The following HSPA9 variants were observed in gnomAD, a reference collection of about 807,000 sequenced individuals.
HSPA9 encodes stress-70 protein, mitochondrial.
In HSPA9, 28 loss-of-function variants were observed where a neutral mutation model predicts 81.5. The observed-to-expected ratio is 0.34, with a 90% CI of 0.25 to 0.47. The LOEUF (loss-of-function observed/expected upper bound fraction) is 0.47. Among genes scored for constraint, HSPA9 ranks in the 20% least tolerant of loss-of-function variants. The pLI is 1.00. For synonymous variants in HSPA9, 293 were observed against 290.4 expected, an observed-to-expected ratio of 1.01 and a Z score of -0.09; for missense variants, 678 against 838.0, an observed-to-expected ratio of 0.81 and a Z score of 2.36.
Position 138,561,759 on chromosome 5 carries a change from C to A in HSPA9, c.1003G>T (p.Asp335Tyr). The A allele has an allele frequency of 6.2e-7, 1 of 1,614,100 alleles. No individual in the cohort carries two copies. The highest frequency in any genetic ancestry group is 8.5e-7 in the Non-Finnish European group (1 of 1,179,978). ...TTCAAATGCTTGGGTCCAGAAGAAT[C>A]CATTGTAAGATAGGGCAAATTGATG... ...TDINLPYLTM[D>Y]SSGPKHLNMK... Residue 335 changes from aspartate to tyrosine, a missense_variant, in exon 10 of 17, where the codon GAT becomes TAT. Transcript: ENST00000297185.
chr5:138,570,079 A>G lies in HSPA9; in HGVS notation c.410+881T>C, dbSNP rs1052001661. On this transcript the variant is annotated intron_variant, in intron 4 of 16. Coordinates refer to ENST00000297185, the MANE Select transcript of HSPA9 (RefSeq NM_004134.7). ...TTTTTGCAGAGGTGGCTTTTCCCCA[A>G]GTTGTCCAGGCTGGTCTCGAACTCC... Among the ~76,000 whole-genome samples the G allele has an allele frequency of 2.0e-5, 3 of 151,944 alleles. No homozygotes were observed. In the East Asian group the frequency reaches 5.9e-4, roughly 30 times the overall value.
intron 11 of HSPA9, 95 bp from the exon 12 acceptor site, chr5:138,558,752 G>T: frequency 1.3e-6 from 1 of 796,380 alleles, no homozygotes. Context: ...TTCCAAGACT[G>T]GAAGACTCCT....
rs765826281 is a variant in HSPA9, at chr5:138,566,607, C to A, written c.972+19G>T. Reference sequence around the variant, plus strand: ...GCTGAAAATATCCATCAAGACTGCTCGAATTTTCCGTGTCTCACCTGCACA... The same window carrying A: ...GCTGAAAATATCCATCAAGACTGCTAGAATTTTCCGTGTCTCACCTGCACA... On this transcript the variant is annotated intron_variant, in intron 9 of 16. Coordinates refer to ENST00000297185, the MANE Select transcript of HSPA9 (RefSeq NM_004134.7). 66 of 1,560,394 alleles carry A rather than the reference C, an allele frequency of 4.2e-5. No individual in the cohort carries two copies. The highest frequency in any genetic ancestry group is 5.2e-5 in the Non-Finnish European group (59 of 1,131,854).
In HSPA9 at chr5:138,560,110, G is replaced by A; in HGVS notation, c.1183-19C>T. 1.9e-6 allele frequency: 3 copies of A among 1,594,256 alleles called. No homozygotes were observed. The highest frequency in any genetic ancestry group is 1.7e-6 in the Non-Finnish European group (2 of 1,163,210). On this transcript the variant is annotated intron_variant, in intron 10 of 16. Coordinates refer to ENST00000297185, the MANE Select transcript of HSPA9 (RefSeq NM_004134.7). ...GCTGAACCTGAACATCAAGGAAAAA[G>A]AACCTGTCGGCCCACACTTGGGAAC...
At chr5:138,567,755 T>C in intron 5 of HSPA9, 33 bp from the exon 6 acceptor site, 2 of 1,504,686 alleles carry the variant, frequency 1.3e-6, no homozygotes, top group Non-Finnish European at 1.8e-6. Flanking sequence ...CATGGAATTC[T>C]GTCAGAACAG....
rs757156840 is a variant in HSPA9, at chr5:138,556,863, G to A, written c.1732C>T (p.Arg578Ter). ...YAEEDRRKKE[R>*]VEAVNMAEGI... ...TCAGCCATATTAACTGCTTCAACTC[G>A]TTCCTTAGAGAAATTAGAAGTTTAA... Residue 578 changes from arginine to a stop codon, truncating the protein, a stop_gained, in exon 15 of 17, where the codon CGA becomes TGA. Transcript: ENST00000297185. LOFTEE classifies it high-confidence loss of function. 3.1e-6 allele frequency: 5 copies of A among 1,610,618 alleles called. No homozygotes were observed. The highest frequency in any genetic ancestry group is 1.7e-5 in the Admixed American group (1 of 60,004).
chr5:138,560,170 C>G, intron 10 of HSPA9, 79 bp from the exon 11 acceptor site: 2 of 948,842 alleles, frequency 2.1e-6, no homozygotes, highest in South Asian at 1.4e-5. Context: ...ACGTGTCCTA[C>G]GCTCCCAGCC....
At chr5:138,570,910 TG>T in intron 4 of HSPA9, 49 bp downstream of exon 4, 1 of 1,481,420 alleles carries the variant, frequency 6.8e-7, no homozygotes, top group Non-Finnish European at 9.4e-7. Flanking sequence ...CTCTTCTGTG[TG>T]GCCCTTGCAA....
At chr5:138,567,985 A>G (rs1023639556) in intron 5 of HSPA9, among the ~76,000 whole-genome samples, 2 of 148,630 alleles carry the variant, frequency 1.3e-5, no homozygotes, top group African/African-American at 5.0e-5. Flanking sequence ...GAGAGTTTTG[A>G]GACCAGCCTA....
chr5:138,566,791 GAAC>G (rs1010698286), intron 8 of HSPA9, 73 bp from the exon 9 acceptor site: 5 of 1,251,152 alleles, frequency 4.0e-6, no homozygotes, highest in Admixed American at 1.7e-5. Flanking sequence ...TAATAAGGTG[GAAC>G]AACACAAAAT....
chr5:138,571,500 G>A (rs1021342207), intron 3 of HSPA9, among the ~76,000 whole-genome samples: 2 of 152,108 alleles, frequency 1.3e-5, no homozygotes, highest in South Asian at 4.1e-4. Context: ...TGGTATGTTT[G>A]CAGCAATCAT....
intron 10 of HSPA9, chr5:138,560,926 T>TTGA (rs1750644552): frequency 2.7e-6 from 1 of 370,130 alleles, no homozygotes; most frequent in African/African-American, 2.3e-5. Flanking sequence ...TTTTTTTGCA[T>TTGA]ATTTCCTTAA....
rs765576794 is a variant in HSPA9, at chr5:138,567,454, C to A, written c.716+1G>T. ...GTGAGAAATTTACTGCACAAACTTA[C>A]ACTTTGTCTTCTGATTTGTCTAGAC... On this transcript the variant is annotated splice_donor_variant, in intron 7 of 16. Transcript: ENST00000297185. LOFTEE classifies it high-confidence loss of function. The A allele has an allele frequency of 6.2e-7, 1 of 1,605,502 alleles. No individual in the cohort carries two copies.
intron 10 of HSPA9, among the ~76,000 whole-genome samples, chr5:138,560,583 C>T (rs184216249): frequency 0.011 from 1,591 of 144,300 alleles, 10 homozygotes; most frequent in Non-Finnish European, 0.018. Flanking sequence ...TTTTTTGAGA[C>T]GGAGTCTCGC....
rs1188699325 is a variant in HSPA9, at chr5:138,575,330, G to A, written c.-12C>T. On this transcript the variant is annotated 5_prime_UTR_variant, in exon 1 of 17. Transcript: ENST00000297185. ...CTGGCACTTATCATGGCGGATAAAT[G>A]GAGGAGTACGAGGCAGCAAACAAGC... 1 of 1,607,692 alleles carries A rather than the reference G, an allele frequency of 6.2e-7. No homozygotes were observed. The highest frequency in any genetic ancestry group is 1.1e-5 in the South Asian group (1 of 90,626).
Position 138,574,089 on chromosome 5 carries a change from A to C in HSPA9, c.119T>G (p.Leu40Arg), listed in dbSNP as rs764184668. 3.6e-5 allele frequency: 58 copies of C among 1,613,756 alleles called. No homozygotes were observed. Among genetic ancestry groups the C allele is most frequent in the Non-Finnish European group, 4.3e-5 (51 of 1,179,776 alleles). The change falls in exon 2 of 17, where the codon CTT (leucine) becomes CGT (arginine). Residue 40 changes from leucine to arginine, a missense_variant. Transcript: ENST00000297185. ...WNGLSHEAFRLVSRRDYASEA... is the reference protein window; with the variant it reads ...WNGLSHEAFRRVSRRDYASEA... Reference sequence around the variant, plus strand: ...TTACGCATAATCCCGCCTTGAAACAAGTCTAAAAGCCTCATGACTAAGGCC... The same window carrying C: ...TTACGCATAATCCCGCCTTGAAACACGTCTAAAAGCCTCATGACTAAGGCC...
intron 2 of HSPA9, 37 bp from the exon 3 acceptor site, chr5:138,573,887 A>G: frequency 6.6e-7 from 1 of 1,513,880 alleles, no homozygotes; most frequent in African/African-American, 1.4e-5. Context: ...AGCTATTGTT[A>G]TCTTGATAGA....
rs199831172 is a variant in HSPA9, at chr5:138,567,009, T to C, written c.871A>G (p.Lys291Glu). The C allele has an allele frequency of 6.3e-7, 1 of 1,593,684 alleles. No homozygotes were observed. Among genetic ancestry groups the C allele is most frequent in the East Asian group, 2.2e-5 (1 of 44,866 alleles). The change falls in exon 8 of 17, where the codon AAG becomes GAG. Residue 291 changes from lysine to glutamate, a missense_variant. Transcript: ENST00000297185. Reference protein sequence around the residue: ...ALLRHIVKEFKRETGVDLTKD... With the variant: ...ALLRHIVKEFERETGVDLTKD... ...CCACATTGGTAACTCACCTCTCTCTTGAACTCCTTCACAATGTGCCGTAGC... is the reference window on the plus strand; with the variant it reads ...CCACATTGGTAACTCACCTCTCTCTCGAACTCCTTCACAATGTGCCGTAGC...
At chr5:138,557,301 T>G in intron 14 of HSPA9, 101 bp downstream of exon 14, 1 of 829,268 alleles carries the variant, frequency 1.2e-6, no homozygotes, top group Non-Finnish European at 2.1e-6. Context: ...GGGCTTACAG[T>G]GCTGGGATTA....
Sources: allele counts gnomAD v4.1 joint callset (sites outside exome capture counted in the v4.1 genomes callset), GRCh38; gene constraint gnomAD v4.1.1; transcripts MANE v1.5; gene names NCBI Gene and HGNC (gene_info 2026-07-23, HGNC 2026-07-21).